SUGCT: variants seen among roughly 807,000 people sequenced by gnomAD.
SUGCT encodes succinyl-CoA:glutarate-CoA transferase.
Under a neutral mutation model 55.0 loss-of-function variants are expected in SUGCT, and 41 were observed. The observed-to-expected ratio is 0.74, with a 90% CI of 0.58 to 0.97. The LOEUF (loss-of-function observed/expected upper bound fraction) is 0.97, where lower values mean the gene tolerates loss of function less well. Ranked by LOEUF, SUGCT falls within the 50% of genes least tolerant of loss-of-function variation. The probability of loss-of-function intolerance (pLI) is 0.00; values close to 1 mark genes in which losing one functional copy is unlikely to be tolerated. For synonymous variants in SUGCT, 187 were observed against 200.4 expected (o/e 0.93, Z 0.56); for missense variants, 568 against 547.8 (o/e 1.04, Z -0.37).
chr7:40,763,290 G>A (rs527842697), intron 13 of SUGCT, among the ~76,000 whole-genome samples: 2 of 152,014 alleles, frequency 1.3e-5, no homozygotes, highest in South Asian at 2.1e-4. Context: ...ATGGACTCTC[G>A]GGGTGTGGCA....
At chr7:40,484,855 C>T (rs1791243474) in intron 11 of SUGCT, among the ~76,000 whole-genome samples, 1 of 152,026 alleles carries the variant, frequency 6.6e-6, no homozygotes, top group Admixed American at 6.6e-5. Context: ...TCATGAACTT[C>T]ACCACCAGAA....
chr7:40,888,667 C>T, the SUGCT span, among the ~76,000 whole-genome samples: 1 of 152,024 alleles, frequency 6.6e-6, no homozygotes, highest in Non-Finnish European at 1.5e-5. Context: ...ACTGGAACAC[C>T]CAAGCAGGGA....
chr7:40,398,070 T>C (rs1380554246), intron 9 of SUGCT, among the ~76,000 whole-genome samples: 1 of 152,128 alleles, frequency 6.6e-6, no homozygotes, highest in East Asian at 1.9e-4. Context: ...GGTTGAATAT[T>C]CCACGTTCTC....
Position 40,316,622 on chromosome 7 carries a change from A to T in SUGCT, c.721-138A>T, listed in dbSNP as rs533860776. The T allele has an allele frequency of 1.8e-5, 10 of 555,112 alleles. No individual in the cohort carries two copies. The South Asian group carries it at 2.9e-4, about 16-fold the overall frequency. The allele number at this position is 555,112 out of a possible 1,614,324, so 34.4% of individuals were successfully genotyped here. ...TGTGTGATAAAAGTACAATGCCTGTATATTTTCTAACTTGATGGACAGGTT... is the reference window on the plus strand; with the variant it reads ...TGTGTGATAAAAGTACAATGCCTGTTTATTTTCTAACTTGATGGACAGGTT... On this transcript the variant is annotated intron_variant, in intron 8 of 13. Transcript: ENST00000335693.
chr7:40,540,911 G>A (rs956593227), intron 12 of SUGCT, among the ~76,000 whole-genome samples: 5 of 152,196 alleles, frequency 3.3e-5, no homozygotes, highest in African/African-American at 1.2e-4. Context: ...CAAGAAGAGA[G>A]CAGTAAGAGC....
chr7:40,903,826 G>T, the SUGCT span, among the ~76,000 whole-genome samples: 1 of 152,186 alleles, frequency 6.6e-6, no homozygotes, highest in Non-Finnish European at 1.5e-5. Context: ...AAGGCCCTGA[G>T]AGGCTTGAAG....
At chr7:40,934,354 G>A in the SUGCT span, among the ~76,000 whole-genome samples, 9 of 152,098 alleles carry the variant, frequency 5.9e-5, no homozygotes, top group South Asian at 2.1e-4. Flanking sequence ...GTGTCTTTCG[G>A]CCCCTACTGG....
the SUGCT span, among the ~76,000 whole-genome samples, chr7:40,989,449 A>G: frequency 6.6e-6 from 1 of 152,178 alleles, no homozygotes; most frequent in East Asian, 1.9e-4. Context: ...ATCTCAAGAA[A>G]CCATTTTCTT....
chr7:40,620,679 A>C (rs1233883215), intron 12 of SUGCT, among the ~76,000 whole-genome samples: 1 of 152,172 alleles, frequency 6.6e-6, no homozygotes, highest in Non-Finnish European at 1.5e-5. Context: ...CTGGGATTAC[A>C]GGGGTGAGCC....
chr7:40,234,271 A>G (rs1047410555), intron 6 of SUGCT, among the ~76,000 whole-genome samples: 4 of 152,198 alleles, frequency 2.6e-5, no homozygotes, highest in Non-Finnish European at 4.4e-5. Flanking sequence ...TTCACAGTGC[A>G]CAGGCCTTCC....
intron 13 of SUGCT, among the ~76,000 whole-genome samples, chr7:40,777,452 G>GT (rs35350371): frequency 0.024 from 3,614 of 147,728 alleles, 52 homozygotes; most frequent in Non-Finnish European, 0.034. Flanking sequence ...TCCATGGTGG[G>GT]TTTTTTTTTT....
intron 12 of SUGCT, among the ~76,000 whole-genome samples, chr7:40,720,899 A>G (rs735303): frequency 0.38 from 57,285 of 152,022 alleles, 13,590 homozygotes; most frequent in African/African-American, 0.67. Flanking sequence ...TTTTTTCTTT[A>G]TATTTCTAGG....
chr7:40,251,138 G>T (rs1204172193), intron 7 of SUGCT, among the ~76,000 whole-genome samples: 1 of 151,986 alleles, frequency 6.6e-6, no homozygotes, highest in Non-Finnish European at 1.5e-5. Context: ...CTCATTTCAT[G>T]CTTCTTTAAC....
At chr7:41,010,919 C>G in the SUGCT span, among the ~76,000 whole-genome samples, 1 of 152,188 alleles carries the variant, frequency 6.6e-6, no homozygotes. Flanking sequence ...GACTGAGTCT[C>G]AAACTGAGCC....
At chr7:40,580,932 A>G (rs923290495) in intron 12 of SUGCT, among the ~76,000 whole-genome samples, 1 of 152,190 alleles carries the variant, frequency 6.6e-6, no homozygotes, top group African/African-American at 2.4e-5. Flanking sequence ...AGTGCAGTCT[A>G]TGATGTTTGC....
chr7:40,509,926 C>T (rs536505132), intron 12 of SUGCT, among the ~76,000 whole-genome samples: 1 of 152,204 alleles, frequency 6.6e-6, no homozygotes, highest in South Asian at 2.1e-4. Flanking sequence ...CCTGAATGTT[C>T]CAACTTTAAA....
At chr7:40,401,050 A>G (rs1562749380) in intron 9 of SUGCT, among the ~76,000 whole-genome samples, 1 of 151,822 alleles carries the variant, frequency 6.6e-6, no homozygotes, top group Non-Finnish European at 1.5e-5. Flanking sequence ...GCTGTAATTT[A>G]CTCCTTTTTT....
chr7:40,515,141 A>G (rs1485286272), intron 12 of SUGCT, among the ~76,000 whole-genome samples: 3 of 152,100 alleles, frequency 2.0e-5, no homozygotes, highest in Non-Finnish European at 2.9e-5. Context: ...CAAAACACGG[A>G]GCTGTTCCAT....
intron 9 of SUGCT, among the ~76,000 whole-genome samples, chr7:40,386,451 T>A (rs1785134701): frequency 6.6e-6 from 1 of 152,158 alleles, no homozygotes; most frequent in Admixed American, 6.5e-5. Context: ...GGTAAGACCC[T>A]TGAGTTTTTA....
Sources: allele counts gnomAD v4.1 joint callset (sites outside exome capture counted in the v4.1 genomes callset), GRCh38; gene constraint gnomAD v4.1.1; transcripts MANE v1.5; gene names NCBI Gene and HGNC (gene_info 2026-07-23, HGNC 2026-07-21).